RNF19B: variants seen among roughly 807,000 people sequenced by gnomAD.
The protein encoded by RNF19B is E3 ubiquitin-protein ligase RNF19B.
A neutral mutation model predicts 65.5 loss-of-function variants in RNF19B; 23 were observed. The ratio of observed to expected loss-of-function variants is 0.35; its 90% CI spans 0.25 to 0.50. The LOEUF (loss-of-function observed/expected upper bound fraction) is 0.50. Ranked by LOEUF, RNF19B falls within the 20% of genes least tolerant of loss-of-function variation. The pLI is 0.98. For synonymous variants in RNF19B, 372 were observed against 379.6 expected, an observed-to-expected ratio of 0.98 and a Z score of 0.23; for missense variants, 794 against 980.0, an observed-to-expected ratio of 0.81 and a Z score of 2.53.
At chr1:32,946,631 G>GA in intron 3 of RNF19B, 67 bp from the exon 4 acceptor site, 1 of 1,394,480 alleles carries the variant, frequency 7.2e-7, no homozygotes, top group Non-Finnish European at 9.9e-7. Context: ...CATAGGGCTT[G>GA]ATAACAGCAA....
At position 32,964,436 on chromosome 1, in the gene RNF19B, G is replaced by A. The variant is rs1642853694; in HGVS notation, c.250C>T (p.Pro84Ser). The change falls in exon 1 of 9, where the codon CCG becomes TCG. Residue 84 changes from proline to serine, a missense_variant. Physicochemically the swap from Pro to Ser is moderately conservative, Grantham distance 74 (BLOSUM62 -1). This residue lies in a region of RNF19B where 374 missense variants were observed against 423.8 expected (regional missense o/e 0.88). Coordinates refer to ENST00000235150, the MANE Select transcript of RNF19B (RefSeq NM_001300826.2). The surrounding 1 kb of genome is among the most constrained non-coding windows in gnomAD (Gnocchi z 6.5). Reference protein sequence around the residue: ...GPPPEALPAEPAAEAEAEAAA... With the variant: ...GPPPEALPAESAAEAEAEAAA... ...GCCTCCGCCTCGGCCTCGGCGGCCGGCTCGGCGGGCAGCGCCTCGGGCGGC... is the reference window on the plus strand; with the variant it reads ...GCCTCCGCCTCGGCCTCGGCGGCCGACTCGGCGGGCAGCGCCTCGGGCGGC... 2.8e-5 allele frequency: 32 copies of A among 1,143,546 alleles called. No homozygotes were observed. Among genetic ancestry groups the A allele is most frequent in the Non-Finnish European group, 3.3e-5 (31 of 933,412 alleles). 70.8% of individuals were successfully genotyped at this position (1,143,546 alleles called of 1,614,324 possible).
chr1:32,931,091 A>C, the RNF19B span, among the ~76,000 whole-genome samples: 1 of 151,806 alleles, frequency 6.6e-6, no homozygotes, highest in Non-Finnish European at 1.5e-5. Flanking sequence ...CTGTCTCCAA[A>C]AAAAAAAAAA....
At chr1:32,960,045 C>T (rs1431203380) in intron 1 of RNF19B, among the ~76,000 whole-genome samples, 7 of 150,252 alleles carry the variant, frequency 4.7e-5, no homozygotes, top group African/African-American at 1.2e-4. Flanking sequence ...AGCGAGACTC[C>T]GTCTCAAAAA....
intron 1 of RNF19B, 44 bp from the exon 2 acceptor site, chr1:32,949,818 T>A (rs141100166): frequency 6.6e-5 from 97 of 1,469,520 alleles, no homozygotes; most frequent in Middle Eastern, 5.2e-4. Context: ...GTAAGAATGA[T>A]CTAACCAAAA....
At chr1:32,935,727 T>A (rs1405794774), downstream of RNF19B, among the ~76,000 whole-genome samples, 1 of 152,108 alleles carries the variant, frequency 6.6e-6, no homozygotes, top group African/African-American at 2.4e-5. Flanking sequence ...TATTCTGTTC[T>A]CCAACTTGTA....
chr1:32,962,214 C>G (rs186556363), intron 1 of RNF19B, among the ~76,000 whole-genome samples: 50 of 152,286 alleles, frequency 3.3e-4, no homozygotes, highest in African/African-American at 1.2e-3. Flanking sequence ...GGTGATCCAC[C>G]CACCTTGGTC....
intron 1 of RNF19B, among the ~76,000 whole-genome samples, chr1:32,960,461 C>T (rs1047524564): frequency 1.3e-5 from 2 of 152,170 alleles, no homozygotes; most frequent in Non-Finnish European, 2.9e-5. Context: ...AAGAATAGAA[C>T]GATTTGTTTA....
At chr1:32,933,379 C>T (rs1479642689), downstream of RNF19B, among the ~76,000 whole-genome samples, 5 of 151,988 alleles carry the variant, frequency 3.3e-5, no homozygotes, top group Admixed American at 2.6e-4. Context: ...CTCAGCCTCT[C>T]GAGTTGCTGG....
intron 2 of RNF19B, 55 bp downstream of exon 2, chr1:32,949,514 G>T: frequency 6.8e-7 from 1 of 1,476,450 alleles, no homozygotes. Flanking sequence ...TTCAGCTATG[G>T]GCTCACATCA....
chr1:32,938,233 G>T, intron 8 of RNF19B, 164 bp downstream of exon 8: 1 of 564,518 alleles, frequency 1.8e-6, no homozygotes, highest in South Asian at 2.7e-5. Flanking sequence ...ATCAAGAGAT[G>T]CCAAACACTC....
chr1:32,959,815 A>G (rs1192761074), intron 1 of RNF19B, among the ~76,000 whole-genome samples: 1 of 151,564 alleles, frequency 6.6e-6, no homozygotes, highest in Non-Finnish European at 1.5e-5. Flanking sequence ...AGGTGGGCAG[A>G]TCACGAGGTC....
intron 2 of RNF19B, among the ~76,000 whole-genome samples, chr1:32,949,159 C>T (rs1174646696): frequency 6.6e-6 from 1 of 152,190 alleles, no homozygotes; most frequent in Non-Finnish European, 1.5e-5. Flanking sequence ...TCCTTTTCTT[C>T]AATCTGTACT....
chr1:32,935,328 G>A (rs1642078844), downstream of RNF19B, among the ~76,000 whole-genome samples: 1 of 151,504 alleles, frequency 6.6e-6, no homozygotes, highest in African/African-American at 2.4e-5. Context: ...AGTAGAAACG[G>A]GGGTTTCACC....
Position 32,942,390 on chromosome 1 carries a change from A to G in RNF19B, c.1472T>C (p.Val491Ala). ...GESSIEGLTS[V>A]LSTSGSPTDG... is the part of the protein sequence containing the mutation. ...TGTAGGGCTTCCACTAGTGCTCAATACACTAGTCAGGCCTTCAATGCTGCT... is the reference window on the plus strand; with the variant it reads ...TGTAGGGCTTCCACTAGTGCTCAATGCACTAGTCAGGCCTTCAATGCTGCT... Residue 491 changes from valine (V) to alanine (A), a missense_variant, in exon 7 of 9, where the codon GTA (valine) becomes GCA (alanine). By Grantham distance (64) the Val-to-Ala change is moderately conservative. Coordinates refer to ENST00000235150, the MANE Select transcript of RNF19B (RefSeq NM_001300826.2). 6.2e-7 allele frequency: 1 copy of G among 1,614,050 alleles called. No individual in the cohort carries two copies. The highest frequency in any genetic ancestry group is 8.5e-7 in the Non-Finnish European group (1 of 1,179,878).
intron 1 of RNF19B, among the ~76,000 whole-genome samples, chr1:32,958,065 TATTCAGAGC>T (rs751018793): frequency 6.6e-6 from 1 of 152,216 alleles, no homozygotes; most frequent in Non-Finnish European, 1.5e-5. Flanking sequence ...GCTCTCAATC[TATTCAGAGC>T]ATAAGGTTTA....
downstream of RNF19B, among the ~76,000 whole-genome samples, chr1:32,934,274 GCATC>G (rs1429150504): frequency 6.6e-6 from 1 of 152,212 alleles, no homozygotes; most frequent in Non-Finnish European, 1.5e-5. Context: ...AGACAAAAGT[GCATC>G]TGTGAAAGGA....
chr1:32,933,253 TATTA>T (rs1557559569), downstream of RNF19B, among the ~76,000 whole-genome samples: 214 of 138,154 alleles, frequency 1.5e-3, 1 homozygote, highest in Admixed American at 0.011. Context: ...AAGCTATTAT[TATTA>T]TTTTTTTTTT....
chr1:32,948,167 C>T, intron 3 of RNF19B, 55 bp downstream of exon 3: 1 of 1,582,782 alleles, frequency 6.3e-7, no homozygotes, highest in South Asian at 1.1e-5. Context: ...ATCCTTTTCC[C>T]TAAATCAGTA....
intron 1 of RNF19B, among the ~76,000 whole-genome samples, chr1:32,956,542 C>T (rs1043139236): frequency 1.3e-5 from 2 of 151,874 alleles, no homozygotes; most frequent in African/African-American, 2.4e-5. Context: ...CACTCCAGCA[C>T]GGGCAACAGA....
Sources: allele counts gnomAD v4.1 joint callset (sites outside exome capture counted in the v4.1 genomes callset), GRCh38; gene constraint gnomAD v4.1.1; regional missense constraint gnomAD v4.1.1; non-coding constraint Gnocchi (gnomAD v3.1); transcripts MANE v1.5; gene names NCBI Gene and HGNC (gene_info 2026-07-23, HGNC 2026-07-21).